TP53BP1: variants seen among roughly 807,000 people sequenced by gnomAD.
TP53BP1 encodes TP53-binding protein 1.
A neutral mutation model predicts 200.8 loss-of-function variants in TP53BP1; 61 were observed. The ratio of observed to expected loss-of-function variants is 0.30; its 90% CI spans 0.25 to 0.38. The LOEUF is 0.38. Ranked by LOEUF, TP53BP1 falls within the 10% of genes least tolerant of loss-of-function variation. TP53BP1 has a pLI of 1.00. For missense variants in TP53BP1, 2,144 were observed against 2,371.9 expected, an observed-to-expected ratio of 0.90 and a Z score of 2.00; for synonymous variants, 822 against 844.3, an observed-to-expected ratio of 0.97 and a Z score of 0.46.
rs1225355415 is a variant in TP53BP1 at position 43,432,659 on chromosome 15, A to G, written c.3210T>C (p.Phe1070=). Reference sequence around the variant, plus strand: ...TCTCCTCTTCTCCTTGAGAACTTGGAAAGTGGAGCAAGTTCCCCCTGAAAA... The same window carrying G: ...TCTCCTCTTCTCCTTGAGAACTTGGGAAGTGGAGCAAGTTCCCCCTGAAAA... ...TTPIRGNLLH[F]PSSQGEEEKE... Residue 1070 remains phenylalanine (F), a synonymous_variant, in exon 17 of 28, where the codon TTT becomes TTC. Transcript: ENST00000382044. 1.9e-6 allele frequency: 3 copies of G among 1,603,610 alleles called. No homozygotes were observed. Among genetic ancestry groups the G allele is most frequent in the Non-Finnish European group, 2.6e-6 (3 of 1,173,646 alleles).
At position 43,416,434 on chromosome 15, in the gene TP53BP1, T is replaced by A; in HGVS notation, c.4682-18A>T. 6.2e-7 allele frequency: 1 copy of A among 1,610,994 alleles called. No individual in the cohort carries two copies. Among genetic ancestry groups the A allele is most frequent in the South Asian group, 1.1e-5 (1 of 90,720 alleles). ...CACCACTCCTGGGGGGTGGAAAGCATAAAAGAAGCTTGCTGTTGTCTTAGG... is the reference window on the plus strand; with the variant it reads ...CACCACTCCTGGGGGGTGGAAAGCAAAAAAGAAGCTTGCTGTTGTCTTAGG... On this transcript the variant is annotated intron_variant, in intron 21 of 27. Transcript: ENST00000382044.
intron 10 of TP53BP1, among the ~76,000 whole-genome samples, chr15:43,473,732 T>C (rs1043555807): frequency 6.6e-5 from 10 of 152,100 alleles, no homozygotes; most frequent in East Asian, 1.9e-4. Flanking sequence ...AGAGTGCCGA[T>C]TGGTGTATTT....
At chr15:43,428,245 G>A (rs1352700121) in intron 17 of TP53BP1, 77 bp from the exon 18 acceptor site, 4 of 1,320,216 alleles carry the variant, frequency 3.0e-6, no homozygotes, top group Non-Finnish European at 4.3e-6. Context: ...GCTTCATGAT[G>A]AGAACTGTTT....
intron 8 of TP53BP1, 108 bp from the exon 9 acceptor site, chr15:43,475,802 A>G (rs1230685444): frequency 2.2e-6 from 3 of 1,366,302 alleles, no homozygotes; most frequent in East Asian, 4.6e-5. Flanking sequence ...ATATTTCCAT[A>G]TTTCCAAAAG....
chr15:43,427,973 A>T, intron 18 of TP53BP1, 43 bp downstream of exon 18: 2 of 1,326,240 alleles, frequency 1.5e-6, no homozygotes, highest in Non-Finnish European at 2.0e-6. Flanking sequence ...AAAAAAAAAA[A>T]GAAAGAAAGA....
Position 43,447,488 on chromosome 15 carries a change from G to GAAAAAAAAAAAAAAAAA in TP53BP1, c.2717-4_2717-3insTTTTTTTTTTTTTTTTT. 3.1e-6 allele frequency: 3 copies of GAAAAAAAAAAAAAAAAA among 954,470 alleles called. No homozygotes were observed. Among genetic ancestry groups the GAAAAAAAAAAAAAAAAA allele is most frequent in the Non-Finnish European group, 4.0e-6 (3 of 744,334 alleles). The allele number at this position is 954,470 out of a possible 1,614,324, so 59.1% of individuals were successfully genotyped here. On this transcript the variant is annotated splice_region_variant and splice_polypyrimidine_tract_variant and intron_variant, in intron 12 of 27. Coordinates refer to ENST00000382044, the MANE Select transcript of TP53BP1 (RefSeq NM_001141980.3). Reference sequence around the variant, plus strand: ...CAAAGTGAAATGAAATGGGGTTTCTGAAAAAAAAAAAAAAAAGAAAAAAGA... The same window carrying GAAAAAAAAAAAAAAAAA: ...CAAAGTGAAATGAAATGGGGTTTCTGAAAAAAAAAAAAAAAAAAAAAAAAAAAAAAAAAGAAAAAAGA...
At chr15:43,492,232 C>T (rs1048750356) in intron 2 of TP53BP1, 52 bp downstream of exon 2, 14 of 1,532,138 alleles carry the variant, frequency 9.1e-6, no homozygotes, top group East Asian at 4.6e-5. Context: ...TGCTGGTTTT[C>T]GGTTTAAAAA....
intron 1 of TP53BP1, among the ~76,000 whole-genome samples, chr15:43,498,343 G>A (rs896021090): frequency 1.1e-4 from 16 of 152,160 alleles, no homozygotes; most frequent in Admixed American, 3.3e-4. Flanking sequence ...TCAACCAAGT[G>A]ATCTCAGTTA....
intron 18 of TP53BP1, 55 bp downstream of exon 18, chr15:43,427,961 A>AC (rs2045584031): frequency 1.7e-6 from 2 of 1,201,268 alleles, no homozygotes; most frequent in African/African-American, 1.6e-5. Flanking sequence ...TGTCTCCAAA[A>AC]AAAAAAAAAA....
intron 4 of TP53BP1, among the ~76,000 whole-genome samples, chr15:43,485,370 G>C (rs1452777083): frequency 6.6e-6 from 1 of 151,928 alleles, no homozygotes; most frequent in Non-Finnish European, 1.5e-5. Context: ...GAGGTCAGGA[G>C]ATCAAGACCA....
In TP53BP1 at chr15:43,413,152, C is replaced by G. The variant is rs769645981; in HGVS notation, c.5272G>C (p.Asp1758His). 5.0e-6 allele frequency: 8 copies of G among 1,614,206 alleles called. No individual in the cohort carries two copies. Among genetic ancestry groups the G allele is most frequent in the Non-Finnish European group, 6.8e-6 (8 of 1,180,032 alleles). Residue 1758 changes from aspartate (D) to histidine (H), a missense_variant, in exon 24 of 28, where the codon GAT becomes CAT. Asp to His is a moderately conservative substitution (Grantham distance 81, BLOSUM62 -1). Transcript: ENST00000382044. ...TCTTCACTGCTTCCTGTAGGACCAT[C>G]TGGCAGTTTGGAGCGGCTGGCCAAC... ...DKLASRSKLP[D>H]GPTGSSEEEE... is the part of the protein sequence containing the mutation.
chr15:43,414,753 T>C (rs2045220613), intron 23 of TP53BP1, among the ~76,000 whole-genome samples: 1 of 151,904 alleles, frequency 6.6e-6, no homozygotes, highest in African/African-American at 2.4e-5. Flanking sequence ...TCACCCAGGA[T>C]GGAGTGCCGT....
chr15:43,439,114 G>A (rs1327630497), intron 15 of TP53BP1, among the ~76,000 whole-genome samples: 2 of 152,110 alleles, frequency 1.3e-5, no homozygotes, highest in Non-Finnish European at 2.9e-5. Context: ...ACTGGGTGAT[G>A]AATACATGGC....
intron 1 of TP53BP1, among the ~76,000 whole-genome samples, chr15:43,501,074 C>T (rs961492270): frequency 6.6e-6 from 1 of 152,128 alleles, no homozygotes; most frequent in Non-Finnish European, 1.5e-5. Context: ...ATTTTAAAAT[C>T]ACTTAAAACA....
intron 1 of TP53BP1, among the ~76,000 whole-genome samples, chr15:43,500,015 T>A (rs555369373): frequency 6.6e-6 from 1 of 152,340 alleles, no homozygotes; most frequent in South Asian, 2.1e-4. Context: ...TTCTATTTAC[T>A]CTCACTCCTT....
chr15:43,447,273 C>T (rs931985511), intron 13 of TP53BP1, 93 bp downstream of exon 13: 21 of 1,388,274 alleles, frequency 1.5e-5, no homozygotes, highest in Non-Finnish European at 2.1e-5. Context: ...CCTTACCAGC[C>T]AGACCCAACT....
intron 1 of TP53BP1, among the ~76,000 whole-genome samples, chr15:43,509,689 G>A (rs988100833): frequency 5.3e-5 from 8 of 152,198 alleles, no homozygotes; most frequent in Non-Finnish European, 8.8e-5. Context: ...GATTACAGGC[G>A]TGGGCCACTG....
chr15:43,415,318 C>G (rs2045237901), intron 23 of TP53BP1: 1 of 470,090 alleles, frequency 2.1e-6, no homozygotes, highest in Non-Finnish European at 3.9e-6. Flanking sequence ...AAGCGATTCT[C>G]CCACCTCAGC....
chr15:43,494,566 A>C (rs1484005578), upstream of TP53BP1, among the ~76,000 whole-genome samples: 1 of 152,216 alleles, frequency 6.6e-6, no homozygotes, highest in East Asian at 1.9e-4. Context: ...GATGCATCTC[A>C]CTTCTTAATC....
Sources: allele counts gnomAD v4.1 joint callset (sites outside exome capture counted in the v4.1 genomes callset), GRCh38; gene constraint gnomAD v4.1.1; transcripts MANE v1.5; gene names NCBI Gene and HGNC (gene_info 2026-07-23, HGNC 2026-07-21).